METTL25: variants seen among roughly 807,000 people sequenced by gnomAD.
METTL25 encodes the protein methyltransferase like 25.
METTL25 carries 64 observed loss-of-function variants against 71.6 expected under a neutral mutation model. The observed-to-expected ratio is 0.89, with a 90% CI of 0.73 to 1.10. The LOEUF (loss-of-function observed/expected upper bound fraction) is 1.10. Ranked by LOEUF, METTL25 falls within the 50% of genes least tolerant of loss-of-function variation. METTL25 has a pLI of 0.00. For missense variants in METTL25, 807 were observed against 707.0 expected (o/e 1.14, Z -1.60); for synonymous variants, 287 against 250.3 (o/e 1.15, Z -1.38).
chr12:82,384,312 A>G (rs1012722998), intron 1 of METTL25, among the ~76,000 whole-genome samples: 6 of 151,952 alleles, frequency 3.9e-5, no homozygotes, highest in South Asian at 2.1e-4. Flanking sequence ...ATGTATTGCT[A>G]TTGTCCCATA....
chr12:82,428,200 A>G (rs1889194309), intron 5 of METTL25, among the ~76,000 whole-genome samples: 2 of 151,878 alleles, frequency 1.3e-5, no homozygotes, highest in Non-Finnish European at 2.9e-5. Context: ...GCCCACATTC[A>G]ACTGGCCACA....
rs140258590 is a variant in METTL25, at chr12:82,458,896, A to G, written c.1572+2076A>G. ...TCTAGCCATCCTGTGCCACCCAAGA[A>G]AGGGTAAAAATACGGAGAAGCACTG... On this transcript the variant is annotated intron_variant, in intron 9 of 11. Coordinates refer to ENST00000248306, the MANE Select transcript of METTL25 (RefSeq NM_032230.3). 8.5e-5 allele frequency among the ~76,000 whole-genome samples: 13 copies of G among 152,254 alleles called. No individual in the cohort carries two copies. The East Asian group carries it at 1.4e-3, about 16-fold the overall frequency.
In METTL25 at chr12:82,395,583, T is replaced by C. The variant is rs558686243; in HGVS notation, c.532-3212T>C. Among the ~76,000 whole-genome samples the C allele has an allele frequency of 3.3e-5, 5 of 152,192 alleles. No homozygotes were observed. The South Asian group carries it at 6.2e-4, about 19-fold the overall frequency. On this transcript the variant is annotated intron_variant, in intron 3 of 11. Coordinates refer to ENST00000248306, the MANE Select transcript of METTL25 (RefSeq NM_032230.3). ...ATTAGCTTGGAATGGTAGTTAGATC[T>C]CTAGGTCTGTCAGCAAAATGTATCT...
chr12:82,463,186 A>G (rs888157788), intron 9 of METTL25, among the ~76,000 whole-genome samples: 2 of 152,142 alleles, frequency 1.3e-5, no homozygotes, highest in African/African-American at 4.8e-5. Context: ...TTATCTAGCC[A>G]TAATTTTATA....
intron 5 of METTL25, among the ~76,000 whole-genome samples, chr12:82,425,756 G>C (rs1888961250): frequency 6.6e-6 from 1 of 152,034 alleles, no homozygotes; most frequent in Non-Finnish European, 1.5e-5. Flanking sequence ...ATATGAACAG[G>C]AAGTATAATT....
chr12:82,420,916 T>A (rs538621783), intron 5 of METTL25, among the ~76,000 whole-genome samples: 1 of 152,014 alleles, frequency 6.6e-6, no homozygotes, highest in East Asian at 1.9e-4. Context: ...AGTGCAGTGG[T>A]ACAATCTCGG....
chr12:82,443,626 G>T (rs939001262), intron 8 of METTL25, among the ~76,000 whole-genome samples: 4 of 152,108 alleles, frequency 2.6e-5, no homozygotes, highest in Non-Finnish European at 5.9e-5. Context: ...TCACAGTTAA[G>T]CAGACTATAC....
At chr12:82,474,881 A>G (rs1274306444) in intron 9 of METTL25, among the ~76,000 whole-genome samples, 2 of 152,202 alleles carry the variant, frequency 1.3e-5, no homozygotes, top group Non-Finnish European at 2.9e-5. Context: ...ATCTTAAACT[A>G]TGTATATTAC....
At chr12:82,397,857 A>G (rs1565827096) in intron 3 of METTL25, among the ~76,000 whole-genome samples, 1 of 151,992 alleles carries the variant, frequency 6.6e-6, no homozygotes. Flanking sequence ...CTGTTTTTAT[A>G]CTAGCTGTAG....
chr12:82,478,605 T>C (rs1893018515), intron 11 of METTL25, among the ~76,000 whole-genome samples: 1 of 151,832 alleles, frequency 6.6e-6, no homozygotes, highest in Admixed American at 6.6e-5. Context: ...TTTCCCACCA[T>C]ATTAAATGTA....
At chr12:82,412,662 C>G (rs1349397535) in intron 5 of METTL25, among the ~76,000 whole-genome samples, 1 of 152,040 alleles carries the variant, frequency 6.6e-6, no homozygotes, top group Non-Finnish European at 1.5e-5. Flanking sequence ...CTGTGTTATC[C>G]TATGTTTACC....
At chr12:82,414,437 A>G (rs111302425) in intron 5 of METTL25, among the ~76,000 whole-genome samples, 53 of 152,256 alleles carry the variant, frequency 3.5e-4, no homozygotes, top group African/African-American at 1.3e-3. Flanking sequence ...GAACTTCAAT[A>G]TATTTTGCTT....
At chr12:82,435,009 T>A (rs1282284288) in intron 7 of METTL25, among the ~76,000 whole-genome samples, 1 of 151,504 alleles carries the variant, frequency 6.6e-6, no homozygotes, top group Non-Finnish European at 1.5e-5. Context: ...TTGTTGACAA[T>A]TAGGTTTTTA....
intron 1 of METTL25, among the ~76,000 whole-genome samples, chr12:82,361,314 TCCAAG>T (rs1199462780): frequency 6.6e-6 from 1 of 152,204 alleles, no homozygotes. Flanking sequence ...ATAAAGTTTA[TCCAAG>T]TCCCCACTAG....
intron 1 of METTL25, among the ~76,000 whole-genome samples, chr12:82,368,781 G>C (rs187740745): frequency 6.6e-6 from 1 of 152,318 alleles, no homozygotes; most frequent in East Asian, 1.9e-4. Flanking sequence ...TTGAAGGGCT[G>C]TGTCAATCTG....
chr12:82,435,541 T>C (rs1390225033), intron 7 of METTL25, among the ~76,000 whole-genome samples: 4 of 151,372 alleles, frequency 2.6e-5, no homozygotes, highest in Non-Finnish European at 4.4e-5. Flanking sequence ...AGCATATCAT[T>C]TGAGTTTGGG....
intron 1 of METTL25, among the ~76,000 whole-genome samples, chr12:82,371,704 A>T (rs190813006): frequency 6.6e-6 from 1 of 152,130 alleles, no homozygotes; most frequent in Admixed American, 6.5e-5. Flanking sequence ...TCTGTGGCTG[A>T]TTGGGTAATA....
intron 1 of METTL25, among the ~76,000 whole-genome samples, chr12:82,381,458 G>T (rs1884435722): frequency 6.6e-6 from 1 of 152,166 alleles, no homozygotes; most frequent in Admixed American, 6.5e-5. Context: ...AGCATGGTTT[G>T]CATGTTTATA....
intron 9 of METTL25, among the ~76,000 whole-genome samples, chr12:82,463,820 T>G (rs111924133): frequency 0.019 from 2,949 of 152,196 alleles, 40 homozygotes; most frequent in Middle Eastern, 0.075. Flanking sequence ...CTGATTTGTA[T>G]TTCCCTAATG....
Sources: gnomAD v4.1 joint callset for allele counts (sites outside exome capture counted in the v4.1 genomes callset) on GRCh38, gnomAD v4.1.1 for gene constraint, MANE v1.5 for transcripts, NCBI Gene and HGNC (gene_info 2026-07-23, HGNC 2026-07-21) for gene names.